The following GK2 variants were observed in gnomAD, a reference collection of about 807,000 sequenced individuals.
The protein encoded by GK2 is glycerol kinase 2.
A neutral mutation model predicts 9.5 loss-of-function variants in GK2; 10 were observed. The observed-to-expected ratio is 1.05, with a 90% CI of 0.65 to 1.78. The LOEUF is 1.78. Ranked by LOEUF, GK2 falls within the 40% of genes most tolerant of loss-of-function variation. GK2 has a pLI of 0.00. For synonymous variants in GK2, 228 were observed against 229.9 expected (o/e 0.99, Z 0.07); for missense variants, 643 against 669.0 (o/e 0.96, Z 0.43).
At position 79,407,655 on chromosome 4, in the gene GK2, A is replaced by G. The variant is rs375336500; in HGVS notation, c.546T>C (p.Leu182=). The change falls in exon 1 of 1, where the codon CTT becomes CTC. Residue 182 remains leucine (L), a synonymous_variant. Coordinates refer to ENST00000358842, the MANE Select transcript of GK2 (RefSeq NM_033214.3). ...TAACTCCTCCTGTCAAACTCCAGAT[A>G]AGCCATGAATCAATGGTACCAAAAA... ...RALFGTIDSW[L]IWSLTGGVNG... 5.0e-6 allele frequency: 8 copies of G among 1,614,092 alleles called. No homozygotes were observed. The African/African-American group carries it at 9.3e-5, about 19-fold the overall frequency.
Position 79,406,483 on chromosome 4 carries a change from C to T in GK2, c.*56G>A, listed in dbSNP as rs974054799. The T allele has an allele frequency of 2.9e-6, 3 of 1,034,750 alleles. No individual in the cohort carries two copies. The African/African-American group carries it at 4.8e-5, about 17-fold the overall frequency. The allele number at this position is 1,034,750 out of a possible 1,614,324, so 64.1% of individuals were successfully genotyped here. ...GTCATTATATTAAGAGGCAGAACTGCTATATGCTTTCATTATGTAAAATGT... is the reference window on the plus strand; with the variant it reads ...GTCATTATATTAAGAGGCAGAACTGTTATATGCTTTCATTATGTAAAATGT... On this transcript the variant is annotated 3_prime_UTR_variant, in exon 1 of 1. Coordinates refer to ENST00000358842, the MANE Select transcript of GK2 (RefSeq NM_033214.3).
chr4:79,406,696 G>A lies in GK2; in HGVS notation c.1505C>T (p.Thr502Ile), dbSNP rs754770256. 1.4e-5 allele frequency: 23 copies of A among 1,614,056 alleles called. No homozygotes were observed. Among genetic ancestry groups the A allele is most frequent in the Non-Finnish European group, 1.9e-5 (23 of 1,180,038 alleles). The change falls in exon 1 of 1, where the codon ACA (threonine) becomes ATA (isoleucine). Residue 502 changes from threonine to isoleucine, a missense_variant. Physicochemically the swap from Thr to Ile is moderately conservative, Grantham distance 89. Coordinates refer to ENST00000358842, the MANE Select transcript of GK2 (RefSeq NM_033214.3). Reference protein sequence around the residue: ...QATESEIRYATWKKAVMKSMG... With the variant: ...QATESEIRYAIWKKAVMKSMG... The stretch of plus-strand genomic sequence containing the variant: ...TGACTTCATTACGGCTTTCTTCCAT[G>A]TGGCATAACGAATTTCACTTTCTGT...
Position 79,407,522 on chromosome 4 carries a change from T to C in GK2, c.679A>G (p.Met227Val), listed in dbSNP as rs757007774. 6 of 1,614,030 alleles carry C rather than the reference T, an allele frequency of 3.7e-6. No individual in the cohort carries two copies. Among genetic ancestry groups the C allele is most frequent in the Admixed American group, 3.3e-5 (2 of 60,010 alleles). ...KELCDFFEIP[M>V]DLLPNVFSSS... The stretch of plus-strand genomic sequence containing the variant: ...CTGAAGACATTTGGAAGAAGGTCCA[T>C]TGGAATTTCAAAAAAGTCACAGAGC... The change falls in exon 1 of 1, where the codon ATG becomes GTG. Residue 227 changes from methionine to valine, a missense_variant. Met to Val is a conservative substitution (Grantham distance 21, BLOSUM62 1). Transcript: ENST00000358842.
rs760851292 is a variant in GK2 at position 79,407,965 on chromosome 4, T to C, written c.236A>G (p.Asn79Ser). ...AGCTTTTATGTTGGATATATCAATA[T>C]TCAGTTCGTCAAGTTTCTCACACGT... ...ARTCEKLDEL[N>S]IDISNIKAVG... is the part of the protein sequence containing the mutation. Residue 79 changes from asparagine (N) to serine (S), a missense_variant, in exon 1 of 1, where the codon AAT becomes AGT. Transcript: ENST00000358842. The C allele has an allele frequency of 3.7e-6, 6 of 1,614,032 alleles. No homozygotes were observed. In the East Asian group the frequency reaches 1.3e-4, roughly 36 times the overall value.
At position 79,406,943 on chromosome 4, in the gene GK2, G is replaced by A. The variant is rs267600273; in HGVS notation, c.1258C>T (p.Arg420Cys). 1.9e-6 allele frequency: 3 copies of A among 1,614,056 alleles called. No homozygotes were observed. Among genetic ancestry groups the A allele is most frequent in the Non-Finnish European group, 2.5e-6 (3 of 1,180,032 alleles). Residue 420 changes from arginine to cysteine, a missense_variant, in exon 1 of 1, where the codon CGT becomes TGT. Coordinates refer to ENST00000358842, the MANE Select transcript of GK2 (RefSeq NM_033214.3). The stretch of plus-strand genomic sequence containing the variant: ...ATTCCTCCATCTACCTGCAAATGAC[G>A]AAGTGGAATTCCACAGTCACGGTTC... The part of the protein sequence containing the change: ...AMNRDCGIPL[R>C]HLQVDGGMTN...
chr4:79,407,420 A>G lies in GK2; in HGVS notation c.781T>C (p.Cys261Arg). 1 of 1,614,136 alleles carries G rather than the reference A, an allele frequency of 6.2e-7. No individual in the cohort carries two copies. The highest frequency in any genetic ancestry group is 8.5e-7 in the Non-Finnish European group (1 of 1,180,010). ...CACATTTGTCCTACTAATGCAGCAC[A>G]TTGGTCCCCCAAACACCCAGATATT... The part of the protein sequence containing the change: ...VPISGCLGDQ[C>R]AALVGQMCFQ... Residue 261 changes from cysteine (C) to arginine (R), a missense_variant, in exon 1 of 1, where the codon TGT becomes CGT. Coordinates refer to ENST00000358842, the MANE Select transcript of GK2 (RefSeq NM_033214.3).
chr4:79,406,585 CT>C lies in GK2; in HGVS notation c.1615del (p.Ser539AlafsTer3). ...TCTTGCTCCAATTAGCATTACCATG[CT>C]ACTCACTATAAAAAATCCCAAAGGC... is the stretch of plus-strand genomic sequence containing the variant. ...SLPLGFFIVS[S>X]MVMLIGARYI... is the part of the protein sequence containing the mutation. On this transcript the variant is annotated frameshift_variant, in exon 1 of 1. Coordinates refer to ENST00000358842, the MANE Select transcript of GK2 (RefSeq NM_033214.3). LOFTEE classifies it high-confidence loss of function. 1 of 1,613,770 alleles carries C rather than the reference CT, an allele frequency of 6.2e-7. No individual in the cohort carries two copies.
Position 79,407,463 on chromosome 4 carries a change from T to C in GK2, c.738A>G (p.Gly246=), listed in dbSNP as rs766794566. The C allele has an allele frequency of 2.0e-5, 33 of 1,614,026 alleles. No homozygotes were observed. The highest frequency in any genetic ancestry group is 2.7e-5 in the Non-Finnish European group (32 of 1,180,030). ...SSEIYGLIKT[G]ALEGVPISGC... ...CAGATATTGGCACACCTTCCAGGGCTCCAGTTTTAATTAGGCCATAGATCT... is the reference window on the plus strand; with the variant it reads ...CAGATATTGGCACACCTTCCAGGGCCCCAGTTTTAATTAGGCCATAGATCT... The change falls in exon 1 of 1, where the codon GGA becomes GGG. Residue 246 remains glycine, a synonymous_variant. Coordinates refer to ENST00000358842, the MANE Select transcript of GK2 (RefSeq NM_033214.3).
Position 79,407,989 on chromosome 4 carries a change from G to A in GK2, c.212C>T (p.Thr71Met). The change falls in exon 1 of 1, where the codon ACG (threonine) becomes ATG (methionine). Residue 71 changes from threonine (T) to methionine (M), a missense_variant. Thr to Met is a moderately conservative substitution (Grantham distance 81, BLOSUM62 -1). Coordinates refer to ENST00000358842, the MANE Select transcript of GK2 (RefSeq NM_033214.3). ...LQSVYECIARTCEKLDELNID... is the reference protein window; with the variant it reads ...LQSVYECIARMCEKLDELNID... The stretch of plus-strand genomic sequence containing the variant: ...ATTCAGTTCGTCAAGTTTCTCACAC[G>A]TTCTCGCTATACACTCGTAGACAGA... 1.2e-6 allele frequency: 2 copies of A among 1,614,008 alleles called. No individual in the cohort carries two copies. The highest frequency in any genetic ancestry group is 1.7e-6 in the Non-Finnish European group (2 of 1,179,916).
rs145465808 is a variant in GK2, at chr4:79,408,123, C to T, written c.78G>A (p.Leu26=). 2.5e-6 allele frequency: 4 copies of T among 1,613,900 alleles called. No homozygotes were observed. In the African/African-American group the frequency reaches 5.3e-5, roughly 22 times the overall value. ...GTTCCGCTGTTTTTGAATTGAAAAC[C>T]AGAAAGCGAGTGGAGTTGGTGCCCT... ...VVQGTNSTRF[L]VFNSKTAELL... The change falls in exon 1 of 1, where the codon CTG becomes CTA. Residue 26 remains leucine, a synonymous_variant. Transcript: ENST00000358842.
At position 79,408,042 on chromosome 4, in the gene GK2, C is replaced by T. The variant is rs1240996961; in HGVS notation, c.159G>A (p.Val53=). 1.9e-6 allele frequency: 3 copies of T among 1,614,068 alleles called. No individual in the cohort carries two copies. The highest frequency in any genetic ancestry group is 1.7e-6 in the Non-Finnish European group (2 of 1,180,026). ...LTQEFPKEGW[V]EQDPKEILQS... ...GAAGAATTTCTTTAGGGTCTTGTTC[C>T]ACCCATCCTTCTTTTGGGAACTCTT... Residue 53 remains valine, a synonymous_variant, in exon 1 of 1, where the codon GTG becomes GTA. Coordinates refer to ENST00000358842, the MANE Select transcript of GK2 (RefSeq NM_033214.3).
At position 79,407,138 on chromosome 4, in the gene GK2, A is replaced by G. The variant is rs759152060; in HGVS notation, c.1063T>C (p.Ser355Pro). 6.2e-7 allele frequency: 1 copy of G among 1,614,150 alleles called. No individual in the cohort carries two copies. The highest frequency in any genetic ancestry group is 1.1e-5 in the South Asian group (1 of 91,088). The part of the protein sequence containing the change: ...IERLAKEVGT[S>P]YGCYFVPAFS... ...GCTGGGACAAAGTAACAGCCATAAG[A>G]AGTTCCTACTTCTTTAGCAAGTCTT... The change falls in exon 1 of 1, where the codon TCT becomes CCT. Residue 355 changes from serine to proline, a missense_variant. Physicochemically the swap from Ser to Pro is moderately conservative, Grantham distance 74. Coordinates refer to ENST00000358842, the MANE Select transcript of GK2 (RefSeq NM_033214.3).
Position 79,407,507 on chromosome 4 carries a change from T to C in GK2, c.694A>G (p.Asn232Asp), listed in dbSNP as rs1560526434. The C allele has an allele frequency of 1.2e-6, 2 of 1,614,142 alleles. No individual in the cohort carries two copies. Among genetic ancestry groups the C allele is most frequent in the East Asian group, 2.2e-5 (1 of 44,870 alleles). The change falls in exon 1 of 1, where the codon AAT becomes GAT. Residue 232 changes from asparagine to aspartate, a missense_variant. Coordinates refer to ENST00000358842, the MANE Select transcript of GK2 (RefSeq NM_033214.3). ...FFEIPMDLLP[N>D]VFSSSEIYGL... is the part of the protein sequence containing the mutation. Reference sequence around the variant, plus strand: ...TAGATCTCAGAAGAACTGAAGACATTTGGAAGAAGGTCCATTGGAATTTCA... The same window carrying C: ...TAGATCTCAGAAGAACTGAAGACATCTGGAAGAAGGTCCATTGGAATTTCA...
In GK2 at chr4:79,406,667, C is replaced by T; in HGVS notation, c.1534G>A (p.Gly512Ser). 1 of 1,614,032 alleles carries T rather than the reference C, an allele frequency of 6.2e-7. No homozygotes were observed. Among genetic ancestry groups the T allele is most frequent in the Non-Finnish European group, 8.5e-7 (1 of 1,179,928 alleles). Reference sequence around the variant, plus strand: ...TCAGGAGACTGACTGGTAACCCAACCCATTGACTTCATTACGGCTTTCTTC... The same window carrying T: ...TCAGGAGACTGACTGGTAACCCAACTCATTGACTTCATTACGGCTTTCTTC... ...TWKKAVMKSM[G>S]WVTSQSPEGG... Residue 512 changes from glycine to serine, a missense_variant, in exon 1 of 1, where the codon GGT becomes AGT. Coordinates refer to ENST00000358842, the MANE Select transcript of GK2 (RefSeq NM_033214.3).
In GK2 at chr4:79,407,639, C is replaced by G. The variant is rs144836177; in HGVS notation, c.562G>C (p.Gly188Arg). The G allele has an allele frequency of 3.3e-5, 54 of 1,614,070 alleles. No homozygotes were observed. The highest frequency in any genetic ancestry group is 4.5e-5 in the Non-Finnish European group (53 of 1,180,026). ...IDSWLIWSLT[G>R]GVNGGVHCTD... ...CAATGCACGCCTCCATTAACTCCTC[C>G]TGTCAAACTCCAGATAAGCCATGAA... Residue 188 changes from glycine to arginine, a missense_variant, in exon 1 of 1, where the codon GGA (glycine) becomes CGA (arginine). Transcript: ENST00000358842.
Position 79,407,029 on chromosome 4 carries a change from T to G in GK2, c.1172A>C (p.His391Pro), listed in dbSNP as rs757316799. 2 of 1,614,056 alleles carry G rather than the reference T, an allele frequency of 1.2e-6. No individual in the cohort carries two copies. Among genetic ancestry groups the G allele is most frequent in the African/African-American group, 2.7e-5 (2 of 74,916 alleles). Reference sequence around the variant, plus strand: ...AGCTTCTAATGCAGCAAAAGCAATATGACATTTATTGGTAAACTGAGTGAG... The same window carrying G: ...AGCTTCTAATGCAGCAAAAGCAATAGGACATTTATTGGTAAACTGAGTGAG... ...CGLTQFTNKC[H>P]IAFAALEAVC... The change falls in exon 1 of 1, where the codon CAT becomes CCT. Residue 391 changes from histidine to proline, a missense_variant. Coordinates refer to ENST00000358842, the MANE Select transcript of GK2 (RefSeq NM_033214.3).
chr4:79,407,254 T>G lies in GK2; in HGVS notation c.947A>C (p.Tyr316Ser), dbSNP rs776671840. Residue 316 changes from tyrosine (Y) to serine (S), a missense_variant, in exon 1 of 1, where the codon TAT (tyrosine) becomes TCT (serine). Coordinates refer to ENST00000358842, the MANE Select transcript of GK2 (RefSeq NM_033214.3). ...YKLGREKPAY[Y>S]ALEGSVAIAG... ...TATAGCAACAGAACCTTCCAGTGCA[T>G]AATATGCTGGCTTCTCTCTGCCTAG... 1 of 1,614,216 alleles carries G rather than the reference T, an allele frequency of 6.2e-7. No homozygotes were observed. Among genetic ancestry groups the G allele is most frequent in the South Asian group, 1.1e-5 (1 of 91,090 alleles).
In GK2 at chr4:79,406,506, T is replaced by C. The variant is rs1725852622; in HGVS notation, c.*33A>G. ...TGCTATATGCTTTCATTATGTAAAA[T>C]GTTTACATCTTGGGACTCCATAGCT... On this transcript the variant is annotated 3_prime_UTR_variant, in exon 1 of 1. Coordinates refer to ENST00000358842, the MANE Select transcript of GK2 (RefSeq NM_033214.3). 2 of 1,239,370 alleles carry C rather than the reference T, an allele frequency of 1.6e-6. No homozygotes were observed. The highest frequency in any genetic ancestry group is 2.3e-6 in the Non-Finnish European group (2 of 855,058). The allele number at this position is 1,239,370 out of a possible 1,614,324, so 76.8% of individuals were successfully genotyped here.
rs746776214 is a variant in GK2 at position 79,407,408 on chromosome 4, C to T, written c.793G>A (p.Val265Ile). Residue 265 changes from valine to isoleucine, a missense_variant, in exon 1 of 1, where the codon GTA becomes ATA. Transcript: ENST00000358842. ...CCCTCCTGGAAGCACATTTGTCCTA[C>T]TAATGCAGCACATTGGTCCCCCAAA... The part of the protein sequence containing the change: ...GCLGDQCAAL[V>I]GQMCFQEGQA... The T allele has an allele frequency of 3.7e-6, 6 of 1,614,034 alleles. No individual in the cohort carries two copies. The highest frequency in any genetic ancestry group is 5.1e-6 in the Non-Finnish European group (6 of 1,180,036).
Sources: allele counts gnomAD v4.1 joint callset, GRCh38; gene constraint gnomAD v4.1.1; transcripts MANE v1.5; gene names NCBI Gene and HGNC (gene_info 2026-07-23, HGNC 2026-07-21).